The following CSNK2A1 variants were observed in gnomAD, a reference collection of about 807,000 sequenced individuals.
The protein encoded by CSNK2A1 is casein kinase II subunit alpha.
CSNK2A1 carries 10 observed loss-of-function variants against 62.9 expected under a neutral mutation model. That is an observed-to-expected ratio of 0.16 (90% CI 0.10 to 0.27). The LOEUF (loss-of-function observed/expected upper bound fraction) is 0.27. Among genes scored for constraint, CSNK2A1 ranks in the 10% least tolerant of loss-of-function variants. The pLI is 1.00. For synonymous variants in CSNK2A1, 124 were observed against 167.8 expected (o/e 0.74, Z 2.02); for missense variants, 160 against 492.0 (o/e 0.33, Z 6.38).
At chr20:526,050 A>G (rs1263381456) in intron 2 of CSNK2A1, among the ~76,000 whole-genome samples, 1 of 152,092 alleles carries the variant, frequency 6.6e-6, no homozygotes, top group East Asian at 1.9e-4. Context: ...CAAACTAAAA[A>G]TTAAGAACTT....
chr20:484,830 G>A (rs555367668), intron 13 of CSNK2A1, among the ~76,000 whole-genome samples: 18 of 151,612 alleles, frequency 1.2e-4, no homozygotes, highest in African/African-American at 4.4e-4. Context: ...ACTTTGGGAG[G>A]CCAAGTTGGG....
intron 4 of CSNK2A1, chr20:504,803 AC>A (rs1568525683): frequency 6.9e-6 from 2 of 290,882 alleles, no homozygotes; most frequent in Admixed American, 1.0e-4. Flanking sequence ...TTTATTGAAA[AC>A]AAAAGCCTCA....
At chr20:516,615 T>C (rs996109429) in intron 2 of CSNK2A1, among the ~76,000 whole-genome samples, 1 of 152,186 alleles carries the variant, frequency 6.6e-6, no homozygotes, top group South Asian at 2.1e-4. Flanking sequence ...TCTAATCTCT[T>C]ATGTTCAGTT....
rs1197678638 is a variant in CSNK2A1 at position 527,001 on chromosome 20, C to CAGACAGACAGAGAGAGAGAG, written c.-110+931_-110+932insCTCTCTCTCTCTGTCTGTCT. The CAGACAGACAGAGAGAGAGAG allele has an allele frequency of 3.6e-4, 35 of 97,890 alleles. 1 individual carries two copies. Among genetic ancestry groups the CAGACAGACAGAGAGAGAGAG allele is most frequent in the African/African-American group, 1.4e-3 (35 of 24,676 alleles). The allele number at this position is 97,890 out of a possible 1,614,324, so 6.1% of individuals were successfully genotyped here. A position where few individuals can be genotyped will look rare whatever the true frequency, so the allele number is the denominator to read the frequency against. Reference sequence around the variant, plus strand: ...AGAGAGAGAAAGAGAGAGAGACAGACAGAGAGAGAGAGAGAGAGAGAGAGA... The same window carrying CAGACAGACAGAGAGAGAGAG: ...AGAGAGAGAAAGAGAGAGAGACAGACAGACAGACAGAGAGAGAGAGAGAGAGAGAGAGAGAGAGAGAGAGA... On this transcript the variant is annotated intron_variant, in intron 2 of 13. Transcript: ENST00000217244.
chr20:478,662 C>G lies in CSNK2A1; in HGVS notation c.*5299G>C, dbSNP rs573587694. On this transcript the variant is annotated 3_prime_UTR_variant, in exon 14 of 14. Coordinates refer to ENST00000217244, the MANE Select transcript of CSNK2A1 (RefSeq NM_177559.3). The stretch of plus-strand genomic sequence containing the variant: ...ATCCCTAGTGGGCCAGGTGTGGTGG[C>G]TCATGCCTCTAATCTCAGCACTTTG... 1.8e-3 allele frequency: 759 copies of G among 432,328 alleles called. 1 individual carries two copies. The highest frequency in any genetic ancestry group is 3.0e-3 in the Non-Finnish European group (653 of 216,924). 26.8% of individuals were successfully genotyped at this position (432,328 alleles called of 1,614,324 possible). A position where few individuals can be genotyped will look rare whatever the true frequency, so the allele number is the denominator to read the frequency against.
intron 2 of CSNK2A1, among the ~76,000 whole-genome samples, chr20:517,680 G>GT (rs1179771727): frequency 6.6e-6 from 1 of 151,968 alleles, no homozygotes; most frequent in Non-Finnish European, 1.5e-5. Context: ...ATTGCAAAGC[G>GT]TAACACTTTA....
Position 478,449 on chromosome 20 carries a change from G to A in CSNK2A1, c.*5512C>T. 4.5e-6 allele frequency: 1 copy of A among 220,498 alleles called. No homozygotes were observed. Among genetic ancestry groups the A allele is most frequent in the South Asian group, 4.2e-5 (1 of 23,576 alleles). The allele number at this position is 220,498 out of a possible 1,614,324, so 13.7% of individuals were successfully genotyped here. ...GATCAGGAAGCCAGCCCCAGCTGCTGCAGCATTTTTTTCCCTTTTTCTCAT... is the reference window on the plus strand; with the variant it reads ...GATCAGGAAGCCAGCCCCAGCTGCTACAGCATTTTTTTCCCTTTTTCTCAT... On this transcript the variant is annotated 3_prime_UTR_variant, in exon 14 of 14. Coordinates refer to ENST00000217244, the MANE Select transcript of CSNK2A1 (RefSeq NM_177559.3).
At chr20:524,660 G>C (rs1316696337) in intron 2 of CSNK2A1, among the ~76,000 whole-genome samples, 1 of 145,606 alleles carries the variant, frequency 6.9e-6, no homozygotes, top group African/African-American at 2.6e-5. Context: ...AACCTAGGAG[G>C]TGGAGGTTGC....
rs1397626830 is a variant in CSNK2A1 at position 483,999 on chromosome 20, C to T, written c.1138G>A (p.Gly380Arg). 1 of 1,612,150 alleles carries T rather than the reference C, an allele frequency of 6.2e-7. No homozygotes were observed. The highest frequency in any genetic ancestry group is 1.1e-5 in the South Asian group (1 of 90,804). Reference sequence around the variant, plus strand: ...CCAGCGGCAGCTGGAACAGGCATCCCAAGGGGGTTGGCAGCAGCAATCACT... The same window carrying T: ...CCAGCGGCAGCTGGAACAGGCATCCTAAGGGGGTTGGCAGCAGCAATCACT... ...SPVIAAANPL[G>R]MPVPAAAGAQ... Residue 380 changes from glycine (G) to arginine (R), a missense_variant, in exon 14 of 14, where the codon GGG becomes AGG. By Grantham distance (125) the Gly-to-Arg change is moderately radical (BLOSUM62 -2). Around this residue, in one of 3 missense-constraint regions of CSNK2A1, gnomAD observed 51 missense variants for 108.8 expected, o/e 0.47. Transcript: ENST00000217244.
At chr20:512,220 T>C (rs1363310383) in intron 2 of CSNK2A1, among the ~76,000 whole-genome samples, 3 of 151,626 alleles carry the variant, frequency 2.0e-5, no homozygotes, top group South Asian at 2.1e-4. Flanking sequence ...TTTTTTTTTT[T>C]CAGTAACAGC....
Position 524,260 on chromosome 20 carries a change from T to A in CSNK2A1, c.-110+3673A>T, listed in dbSNP as rs6139455. Among the ~76,000 whole-genome samples the A allele has an allele frequency of 6.7e-4, 101 of 151,250 alleles. 1 individual carries two copies. In the East Asian group the frequency reaches 0.019, roughly 29 times the overall value. On this transcript the variant is annotated intron_variant, in intron 2 of 13. Transcript: ENST00000217244. ...CCAGTACAGTGAAACCCATCTCTAC[T>A]AAAAATACAAAAATGAGCTGGGTGT...
chr20:489,496 C>G (rs1410514071), intron 10 of CSNK2A1: 3 of 402,408 alleles, frequency 7.5e-6, no homozygotes, highest in African/African-American at 4.1e-5. Context: ...GAGAAAACAC[C>G]ATATTGGAGA....
intron 2 of CSNK2A1, among the ~76,000 whole-genome samples, chr20:514,744 G>A (rs1346406178): frequency 6.6e-6 from 1 of 152,082 alleles, no homozygotes; most frequent in Admixed American, 6.6e-5. Flanking sequence ...GCCCAACCAA[G>A]ATAAACATTA....
At chr20:517,831 T>G (rs187844756) in intron 2 of CSNK2A1, among the ~76,000 whole-genome samples, 1 of 152,298 alleles carries the variant, frequency 6.6e-6, no homozygotes, top group Non-Finnish European at 1.5e-5. Context: ...GCACCTGATG[T>G]GCTTTTTTTG....
chr20:495,876 A>T, intron 7 of CSNK2A1, 74 bp from the exon 8 acceptor site: 1 of 1,366,902 alleles, frequency 7.3e-7, no homozygotes, highest in Non-Finnish European at 1.0e-6. Flanking sequence ...CCTCCATGTA[A>T]ATTTTCCTTT....
intron 2 of CSNK2A1, among the ~76,000 whole-genome samples, chr20:515,897 G>A (rs887508183): frequency 2.0e-5 from 3 of 152,178 alleles, no homozygotes; most frequent in African/African-American, 7.2e-5. Flanking sequence ...GGAAAACCAA[G>A]TCAAAGGTTC....
rs150360318 is a variant in CSNK2A1 at position 481,388 on chromosome 20, A to G, written c.*2573T>C. 3 of 152,252 alleles carry G rather than the reference A, an allele frequency of 2.0e-5. No homozygotes were observed. In the East Asian group the frequency reaches 5.8e-4, roughly 29 times the overall value. The allele number at this position is 152,252 out of a possible 1,614,324, so 9.4% of individuals were successfully genotyped here. On this transcript the variant is annotated 3_prime_UTR_variant, in exon 14 of 14. Transcript: ENST00000217244. ...ATTTCCTGCCATCTAAGCAATGCAG[A>G]CACAGGTAGTGCTGAGAAATAGTGT...
At chr20:519,623 C>T (rs2018902877) in intron 2 of CSNK2A1, among the ~76,000 whole-genome samples, 1 of 152,170 alleles carries the variant, frequency 6.6e-6, no homozygotes, top group Non-Finnish European at 1.5e-5. Flanking sequence ...ATTAGAACAG[C>T]TGATTTTTCA....
intron 1 of CSNK2A1, among the ~76,000 whole-genome samples, chr20:542,798 C>T (rs528660135): frequency 1.3e-5 from 2 of 152,322 alleles, no homozygotes; most frequent in East Asian, 3.9e-4. Context: ...GAAAAGTAAT[C>T]AAGTCTTCCC....
Sources: allele counts gnomAD v4.1 joint callset (sites outside exome capture counted in the v4.1 genomes callset), GRCh38; gene constraint gnomAD v4.1.1; regional missense constraint gnomAD v4.1.1; transcripts MANE v1.5; gene names NCBI Gene and HGNC (gene_info 2026-07-23, HGNC 2026-07-21).